The following KIAA0825 variants were observed in gnomAD, a reference collection of about 807,000 sequenced individuals.
The protein encoded by KIAA0825 is uncharacterized protein KIAA0825.
Under a neutral mutation model 147.6 loss-of-function variants are expected in KIAA0825, and 119 were observed. That is an observed-to-expected ratio of 0.81 (90% CI 0.69 to 0.94). KIAA0825 has a LOEUF of 0.94. Ranked by LOEUF, KIAA0825 falls within the 40% of genes least tolerant of loss-of-function variation. The pLI is 0.00. For synonymous variants in KIAA0825, 470 were observed against 518.1 expected, an observed-to-expected ratio of 0.91 and a Z score of 1.26; for missense variants, 1,381 against 1,472.7, an observed-to-expected ratio of 0.94 and a Z score of 1.02.
At chr5:94,317,381 T>C (rs935774338) in intron 20 of KIAA0825, among the ~76,000 whole-genome samples, 1 of 151,872 alleles carries the variant, frequency 6.6e-6, no homozygotes, top group Non-Finnish European at 1.5e-5. Context: ...TTTCTTTTCT[T>C]GCTCAGCACT....
At chr5:94,602,333 T>G (rs1428498061) in intron 1 of KIAA0825, among the ~76,000 whole-genome samples, 1 of 151,372 alleles carries the variant, frequency 6.6e-6, no homozygotes, top group African/African-American at 2.4e-5. Context: ...CCTGGGCAAC[T>G]TAGCAAGACT....
At chr5:94,269,191 C>T (rs890536212) in intron 20 of KIAA0825, among the ~76,000 whole-genome samples, 8 of 151,944 alleles carry the variant, frequency 5.3e-5, no homozygotes, top group Admixed American at 6.6e-5. Context: ...TAATACATTA[C>T]GTTGTCATCA....
intron 20 of KIAA0825, among the ~76,000 whole-genome samples, chr5:94,345,219 AG>A (rs1232344863): frequency 1.3e-5 from 2 of 152,136 alleles, no homozygotes; most frequent in African/African-American, 2.4e-5. Flanking sequence ...TCCTGGGCAT[AG>A]GTTATCAGTG....
At chr5:94,429,381 T>C (rs1052150581) in intron 14 of KIAA0825, among the ~76,000 whole-genome samples, 9 of 88,174 alleles carry the variant, frequency 1.0e-4, no homozygotes, top group Non-Finnish European at 2.1e-4. Flanking sequence ...TCCTAGAATG[T>C]TTTTTTTTTC....
intron 20 of KIAA0825, among the ~76,000 whole-genome samples, chr5:94,345,522 ATTCT>A (rs1317444022): frequency 2.6e-5 from 4 of 152,072 alleles, no homozygotes; most frequent in African/African-American, 9.7e-5. Flanking sequence ...GACACTGAAA[ATTCT>A]TTCTTTGAAA....
chr5:94,546,317 A>G (rs536747225), intron 2 of KIAA0825, among the ~76,000 whole-genome samples: 2 of 152,100 alleles, frequency 1.3e-5, no homozygotes, highest in East Asian at 3.9e-4. Flanking sequence ...GAGGGTACAA[A>G]CCTCACTGGC....
At chr5:94,421,273 G>A (rs530605044) in intron 14 of KIAA0825, among the ~76,000 whole-genome samples, 77 of 152,312 alleles carry the variant, frequency 5.1e-4, no homozygotes, top group African/African-American at 1.1e-3. Flanking sequence ...AACAGGTGGC[G>A]GGAAGGGGCA....
chr5:94,431,433 G>C (rs935800724), intron 14 of KIAA0825, among the ~76,000 whole-genome samples: 5 of 152,086 alleles, frequency 3.3e-5, no homozygotes, highest in African/African-American at 1.2e-4. Context: ...CAGGCACTGG[G>C]GATAAAATGG....
intron 14 of KIAA0825, among the ~76,000 whole-genome samples, chr5:94,425,442 T>TA (rs1333920900): frequency 6.6e-6 from 1 of 152,040 alleles, no homozygotes; most frequent in Non-Finnish European, 1.5e-5. Context: ...CCCTTTGTGA[T>TA]AAAATCTCTC....
At chr5:94,234,406 T>A (rs944500571) in intron 20 of KIAA0825, among the ~76,000 whole-genome samples, 5 of 148,750 alleles carry the variant, frequency 3.4e-5, no homozygotes, top group African/African-American at 7.4e-5. Flanking sequence ...AATAAAAAAA[T>A]AAAAAAAAAA....
At position 94,547,224 on chromosome 5, in the gene KIAA0825, T is replaced by C. The variant is rs570654340; in HGVS notation, c.-1-10097A>G. 1.1e-4 allele frequency among the ~76,000 whole-genome samples: 16 copies of C among 151,600 alleles called. 1 individual carries two copies. In the South Asian group the frequency reaches 3.3e-3, roughly 32 times the overall value. Reference sequence around the variant, plus strand: ...GAAGCAGGCCAGAAGATCTAGAAAATAGCCTGAAAAGGGCAAATCTAAGAG... The same window carrying C: ...GAAGCAGGCCAGAAGATCTAGAAAACAGCCTGAAAAGGGCAAATCTAAGAG... On this transcript the variant is annotated intron_variant, in intron 2 of 20. Coordinates refer to ENST00000682413, the MANE Select transcript of KIAA0825 (RefSeq NM_001145678.3).
chr5:94,589,180 A>G (rs1467742210), intron 1 of KIAA0825, among the ~76,000 whole-genome samples: 1 of 151,818 alleles, frequency 6.6e-6, no homozygotes, highest in East Asian at 1.9e-4. Context: ...CAACAACAAC[A>G]AAAAAAACAG....
At chr5:94,267,213 GAGA>G (rs1186727872) in intron 20 of KIAA0825, among the ~76,000 whole-genome samples, 87 of 152,308 alleles carry the variant, frequency 5.7e-4, no homozygotes, top group South Asian at 2.1e-4. Flanking sequence ...GGAAGCAATA[GAGA>G]AGGTTTGAAA....
chr5:94,154,012 G>C lies in KIAA0825; in HGVS notation c.3823C>G (p.Gln1275Glu). ...NSSASDNIEE[Q>E] Reference sequence around the variant, plus strand: ...CTGTTGCTGTTTTCTGCAGATTACTGTTCCTCTATGTTATCTGAGGCAGAA... The same window carrying C: ...CTGTTGCTGTTTTCTGCAGATTACTCTTCCTCTATGTTATCTGAGGCAGAA... The change falls in exon 21 of 21, where the codon CAG (glutamine) becomes GAG (glutamate). Residue 1275 changes from glutamine to glutamate, a missense_variant. Transcript: ENST00000682413. The C allele has an allele frequency of 6.5e-7, 1 of 1,545,470 alleles. No individual in the cohort carries two copies. The highest frequency in any genetic ancestry group is 1.4e-5 in the African/African-American group (1 of 73,016).
intron 20 of KIAA0825, among the ~76,000 whole-genome samples, chr5:94,195,596 T>C (rs997047229): frequency 3.3e-5 from 5 of 151,980 alleles, no homozygotes; most frequent in Admixed American, 6.5e-5. Flanking sequence ...GTTTTTTTTT[T>C]CTTCTTTTTA....
intron 2 of KIAA0825, among the ~76,000 whole-genome samples, chr5:94,542,858 A>C (rs1242345126): frequency 6.6e-6 from 1 of 152,176 alleles, no homozygotes; most frequent in African/African-American, 2.4e-5. Flanking sequence ...ACAGGACATA[A>C]AGGACACAAT....
At chr5:94,303,380 T>C (rs2150182364) in intron 20 of KIAA0825, among the ~76,000 whole-genome samples, 2 of 151,814 alleles carry the variant, frequency 1.3e-5, no homozygotes, top group Non-Finnish European at 2.9e-5. Context: ...AACTGGTCCA[T>C]ATATTAGGGA....
Position 94,365,414 on chromosome 5 carries a change from C to G in KIAA0825, c.3710+18954G>C, listed in dbSNP as rs564992486. Among the ~76,000 whole-genome samples the G allele has an allele frequency of 1.7e-4, 26 of 152,248 alleles. 1 individual carries two copies. In the East Asian group the frequency reaches 4.8e-3, roughly 28 times the overall value. On this transcript the variant is annotated intron_variant, in intron 20 of 20. Transcript: ENST00000682413. ...ATACCAGTCTCTGAAGGCAGATGCC[C>G]GCATCAAGTTTAATTCTTCATACTG...
chr5:94,542,826 A>C (rs1773610056), intron 2 of KIAA0825, among the ~76,000 whole-genome samples: 1 of 152,146 alleles, frequency 6.6e-6, no homozygotes, highest in Admixed American at 6.5e-5. Flanking sequence ...AAAGAAAAAA[A>C]AAGAATCTGT....
Sources: gnomAD v4.1 joint callset for allele counts (sites outside exome capture counted in the v4.1 genomes callset) on GRCh38, gnomAD v4.1.1 for gene constraint, MANE v1.5 for transcripts, NCBI Gene and HGNC (gene_info 2026-07-23, HGNC 2026-07-21) for gene names.